The following PRKCA variants were observed in gnomAD, a reference collection of about 807,000 sequenced individuals.
PRKCA encodes protein kinase C alpha, also known as protein kinase C alpha type.
PRKCA carries 27 observed loss-of-function variants against 87.0 expected under a neutral mutation model. That is an observed-to-expected ratio of 0.31 (90% CI 0.23 to 0.43). The LOEUF (loss-of-function observed/expected upper bound fraction) is 0.43, where lower values mean the gene tolerates loss of function less well. Among genes scored for constraint, PRKCA ranks in the 20% least tolerant of loss-of-function variants. The pLI, the probability that PRKCA is intolerant of heterozygous loss-of-function variation, is 1.00. For missense variants in PRKCA, 518 were observed against 852.3 expected (o/e 0.61, Z 4.88); for synonymous variants, 329 against 311.1 (o/e 1.06, Z -0.61).
chr17:66,555,685 G>A (rs1968472307), intron 3 of PRKCA, among the ~76,000 whole-genome samples: 1 of 152,006 alleles, frequency 6.6e-6, no homozygotes. Context: ...GTTCTTATTT[G>A]AGTTACAGGG....
At chr17:66,702,402 G>A (rs58620831) in intron 8 of PRKCA, among the ~76,000 whole-genome samples, 5,536 of 152,182 alleles carry the variant, frequency 0.036, 326 homozygotes, top group African/African-American at 0.12. Flanking sequence ...CAGAATAGAA[G>A]TGTGGTTACC....
At chr17:66,779,002 T>C (rs1975136641) in intron 14 of PRKCA, among the ~76,000 whole-genome samples, 1 of 152,134 alleles carries the variant, frequency 6.6e-6, no homozygotes, top group Non-Finnish European at 1.5e-5. Flanking sequence ...TCTCTCTGAC[T>C]CCTCAATGCA....
At position 66,803,832 on chromosome 17, in the gene PRKCA, A is replaced by G. The variant is rs370155398; in HGVS notation, c.1855-41A>G. 5.6e-6 allele frequency: 9 copies of G among 1,605,034 alleles called. No homozygotes were observed. The African/African-American group carries it at 1.1e-4, about 19-fold the overall frequency. ...CTCGGAGAGCTGCTCCCGCATTGTC[A>G]TGTTGACTGACCTTTCCTTCTTTTT... On this transcript the variant is annotated intron_variant, in intron 16 of 16. Coordinates refer to ENST00000413366, the MANE Select transcript of PRKCA (RefSeq NM_002737.3). This position sits in a 1 kb window ranked among gnomAD's most constrained non-coding sequence, Gnocchi z 4.4.
chr17:66,667,432 A>G (rs7210434), intron 5 of PRKCA, among the ~76,000 whole-genome samples: 7,835 of 152,318 alleles, frequency 0.051, 685 homozygotes, highest in African/African-American at 0.18. Flanking sequence ...GAATCTTCAC[A>G]TGGCGGCAGC....
At chr17:66,460,831 C>T (rs967591734) in intron 2 of PRKCA, among the ~76,000 whole-genome samples, 3 of 152,112 alleles carry the variant, frequency 2.0e-5, no homozygotes, top group African/African-American at 4.8e-5. Flanking sequence ...AGAGGTTGGT[C>T]GCAGACACAG....
At chr17:66,374,235 C>T (rs1017092239) in intron 2 of PRKCA, among the ~76,000 whole-genome samples, 3 of 152,152 alleles carry the variant, frequency 2.0e-5, no homozygotes, top group Admixed American at 6.5e-5. Context: ...ACCTCCAGCT[C>T]GCCCCGCCTG....
rs186424405 is a variant in PRKCA at position 66,671,068 on chromosome 17, T to C, written c.530-16043T>C. The stretch of plus-strand genomic sequence containing the variant: ...CTACTAAAAATACAAAAAATTAGCC[T>C]GGTGTGGTGGTGTGCGCCTGTAATC... On this transcript the variant is annotated intron_variant, in intron 5 of 16. Coordinates refer to ENST00000413366, the MANE Select transcript of PRKCA (RefSeq NM_002737.3). Among the ~76,000 whole-genome samples the C allele has an allele frequency of 3.2e-4, 48 of 149,166 alleles. 2 individuals carry two copies. In the East Asian group the frequency reaches 9.4e-3, roughly 29 times the overall value.
chr17:66,674,359 G>GA (rs1442250421), intron 5 of PRKCA, among the ~76,000 whole-genome samples: 2 of 152,248 alleles, frequency 1.3e-5, no homozygotes, highest in African/African-American at 4.8e-5. Flanking sequence ...GGTGGGCACA[G>GA]AGATACACGT....
chr17:66,785,867 C>A (rs1027539080), intron 14 of PRKCA, among the ~76,000 whole-genome samples: 4 of 152,252 alleles, frequency 2.6e-5, no homozygotes, highest in Non-Finnish European at 4.4e-5. Context: ...CTCGCTCTGT[C>A]ACCCAGGCTG....
intron 13 of PRKCA, among the ~76,000 whole-genome samples, chr17:66,754,560 G>A (rs1408412827): frequency 2.0e-5 from 3 of 152,154 alleles, no homozygotes; most frequent in Non-Finnish European, 4.4e-5. Flanking sequence ...ATTCACATTT[G>A]ATTTATAGTC....
rs1177423592 is a variant in PRKCA at position 66,798,479 on chromosome 17, G to A, written c.1855-5394G>A. ...GGTGGTGGTGGTGGTGGTGGTGGTG[G>A]TGGTGGTGACGGTGGTGGTGGTGGT... On this transcript the variant is annotated intron_variant, in intron 16 of 16. Coordinates refer to ENST00000413366, the MANE Select transcript of PRKCA (RefSeq NM_002737.3). Among the ~76,000 whole-genome samples, 165 of 58,354 alleles carry A rather than the reference G, an allele frequency of 2.8e-3. 2 individuals are homozygous for A. The highest frequency in any genetic ancestry group is 3.6e-3 in the Admixed American group (21 of 5,780). The allele number at this position is 58,354 out of a possible 152,430, so 38.3% of individuals were successfully genotyped here.
chr17:66,741,668 G>A lies in PRKCA; in HGVS notation c.1332G>A (p.Ala444=), dbSNP rs777273007. The A allele has an allele frequency of 2.1e-5, 34 of 1,614,004 alleles. No individual in the cohort carries two copies. The highest frequency in any genetic ancestry group is 1.6e-4 in the Middle Eastern group (1 of 6,082). The part of the protein sequence containing the change: ...KFKEPQAVFY[A]AEISIGLFFL... Reference sequence around the variant, plus strand: ...CCGTTTTCTTTTGCAGATTCTATGCGGCAGAGATTTCCATCGGATTGTTCT... The same window carrying A: ...CCGTTTTCTTTTGCAGATTCTATGCAGCAGAGATTTCCATCGGATTGTTCT... The change falls in exon 12 of 17, where the codon GCG becomes GCA. Residue 444 remains alanine, a synonymous_variant. Coordinates refer to ENST00000413366, the MANE Select transcript of PRKCA (RefSeq NM_002737.3).
chr17:66,617,189 A>G (rs138262839), intron 3 of PRKCA, among the ~76,000 whole-genome samples: 73 of 152,234 alleles, frequency 4.8e-4, no homozygotes, highest in African/African-American at 1.6e-3. Flanking sequence ...CTTGATGGGG[A>G]CAGGATGATG....
intron 2 of PRKCA, among the ~76,000 whole-genome samples, chr17:66,393,629 CAT>C (rs1910491069): frequency 7.3e-6 from 1 of 137,778 alleles, no homozygotes; most frequent in East Asian, 2.1e-4. Flanking sequence ...GGCCTTCTTC[CAT>C]GTGTGTGCAC....
intron 8 of PRKCA, among the ~76,000 whole-genome samples, chr17:66,730,733 T>C (rs567211809): frequency 6.6e-6 from 1 of 152,236 alleles, no homozygotes; most frequent in Non-Finnish European, 1.5e-5. Flanking sequence ...TATTAGGGGT[T>C]CTTTGTGACC....
At chr17:66,514,519 G>A (rs188159832) in intron 3 of PRKCA, among the ~76,000 whole-genome samples, 2 of 152,214 alleles carry the variant, frequency 1.3e-5, no homozygotes, top group East Asian at 1.9e-4. Context: ...TAGGAGGCTC[G>A]CTCTCCTCAT....
chr17:66,476,100 A>T (rs548792415), intron 2 of PRKCA, among the ~76,000 whole-genome samples: 1 of 151,988 alleles, frequency 6.6e-6, no homozygotes, highest in Non-Finnish European at 1.5e-5. Flanking sequence ...GAGTTTTGCT[A>T]TGTTGGCTAG....
At chr17:66,387,280 T>G (rs1910114911) in intron 2 of PRKCA, among the ~76,000 whole-genome samples, 1 of 152,196 alleles carries the variant, frequency 6.6e-6, no homozygotes. Context: ...GGCAGCAGCA[T>G]GGGCAGAAAA....
At chr17:66,353,815 G>A (rs1328356026) in intron 2 of PRKCA, among the ~76,000 whole-genome samples, 1 of 152,164 alleles carries the variant, frequency 6.6e-6, no homozygotes, top group Non-Finnish European at 1.5e-5. Context: ...GGCTTGCTCT[G>A]TGTTTTATAG....
Sources: allele counts gnomAD v4.1 joint callset (sites outside exome capture counted in the v4.1 genomes callset), GRCh38; gene constraint gnomAD v4.1.1; non-coding constraint Gnocchi (gnomAD v3.1); transcripts MANE v1.5; gene names NCBI Gene and HGNC (gene_info 2026-07-23, HGNC 2026-07-21).